The following CLEC12A variants were observed in gnomAD, a reference collection of about 807,000 sequenced individuals.
CLEC12A encodes C-type lectin protein CLL-1.
CLEC12A carries 22 observed loss-of-function variants against 26.5 expected under a neutral mutation model. The ratio of observed to expected loss-of-function variants is 0.83; its 90% CI spans 0.59 to 1.19. CLEC12A has a LOEUF of 1.19. Ranked by LOEUF, CLEC12A falls within the 50% of genes most tolerant of loss-of-function variation. The pLI is 0.00. For synonymous variants in CLEC12A, 119 were observed against 101.9 expected, an observed-to-expected ratio of 1.17 and a Z score of -1.01; for missense variants, 353 against 315.6, an observed-to-expected ratio of 1.12 and a Z score of -0.90.
upstream of CLEC12A, among the ~76,000 whole-genome samples, chr12:9,970,055 A>G (rs2137132790): frequency 6.6e-6 from 1 of 152,340 alleles, no homozygotes; most frequent in East Asian, 1.9e-4. Context: ...GTGGCTGCCA[A>G]TATTTTCATG....
At chr12:9,969,998 G>A (rs946107561), upstream of CLEC12A, among the ~76,000 whole-genome samples, 4 of 152,152 alleles carry the variant, frequency 2.6e-5, no homozygotes, top group African/African-American at 9.7e-5. Flanking sequence ...CATTAGTAAA[G>A]TACTTAGGAT....
chr12:10,003,626 G>A, the CLEC12A span, among the ~76,000 whole-genome samples: 5 of 152,090 alleles, frequency 3.3e-5, no homozygotes, highest in African/African-American at 1.2e-4. Flanking sequence ...AAAAAGCAAT[G>A]CCAGGCGTCA....
At chr12:9,988,463 C>T (rs1338980328), downstream of CLEC12A, among the ~76,000 whole-genome samples, 1 of 152,182 alleles carries the variant, frequency 6.6e-6, no homozygotes, top group African/African-American at 2.4e-5. Flanking sequence ...GCAATCTACT[C>T]ATCTGACAAA....
the CLEC12A span, among the ~76,000 whole-genome samples, chr12:10,003,334 C>T: frequency 4.0e-5 from 6 of 151,862 alleles, no homozygotes; most frequent in Non-Finnish European, 5.9e-5. Context: ...AATAACTATC[C>T]GACCAAAATT....
At chr12:9,962,598 C>T (rs865875964) in intron 1 of CLEC12A, among the ~76,000 whole-genome samples, 8 of 152,136 alleles carry the variant, frequency 5.3e-5, no homozygotes, top group South Asian at 4.2e-4. Flanking sequence ...TGGGAAATTA[C>T]AGTCAAAGGG....
chr12:9,966,989 C>A (rs1326682345), upstream of CLEC12A, among the ~76,000 whole-genome samples: 2 of 151,086 alleles, frequency 1.3e-5, no homozygotes, highest in Non-Finnish European at 2.9e-5. Flanking sequence ...GCTCCAGCCA[C>A]CTTTTTAAGA....
intron 4 of CLEC12A, chr12:9,991,068 A>G (rs1323676930): frequency 6.6e-6 from 1 of 152,210 alleles, no homozygotes; most frequent in Non-Finnish European, 1.5e-5. Flanking sequence ...TGGGAAAGCA[A>G]ATAATTAATG....
Position 9,980,615 on chromosome 12 carries a change from T to C in CLEC12A, c.413T>C (p.Ile138Thr), listed in dbSNP as rs1204947578. Residue 138 changes from isoleucine to threonine, a missense_variant, in exon 4 of 6, where the codon ATT becomes ACT. Transcript: ENST00000304361. ...HKCKPCPRRW[I>T]WHKDSCYFLS... is the part of the protein sequence containing the mutation. ...TGTAAGCCTTGTCCAAGGAGATGGA[T>C]TTGGCATAAGGACAGCTGTTATTTC... The C allele has an allele frequency of 6.2e-6, 10 of 1,613,706 alleles. No homozygotes were observed. Among genetic ancestry groups the C allele is most frequent in the Non-Finnish European group, 7.6e-6 (9 of 1,179,814 alleles).
At chr12:9,954,733 T>C (rs371141438) in intron 1 of CLEC12A, among the ~76,000 whole-genome samples, 36 of 152,342 alleles carry the variant, frequency 2.4e-4, no homozygotes, top group African/African-American at 8.2e-4. Flanking sequence ...GCAAATTGGC[T>C]TATAAATTAA....
intron 1 of CLEC12A, among the ~76,000 whole-genome samples, chr12:9,960,340 T>A (rs1863809096): frequency 6.6e-6 from 1 of 152,192 alleles, no homozygotes; most frequent in African/African-American, 2.4e-5. Flanking sequence ...ATATAATGAA[T>A]CAGGAATACT....
At chr12:9,990,343 G>A (rs76024376), downstream of CLEC12A, among the ~76,000 whole-genome samples, 3,493 of 152,262 alleles carry the variant, frequency 0.023, 56 homozygotes, top group Non-Finnish European at 0.036. Flanking sequence ...TGTGATTCAT[G>A]GAAGGAAGAC....
intron 3 of CLEC12A, among the ~76,000 whole-genome samples, chr12:9,980,168 A>G (rs1397603197): frequency 6.6e-6 from 1 of 152,176 alleles, no homozygotes; most frequent in African/African-American, 2.4e-5. Flanking sequence ...AGAGGAATTG[A>G]CATAGGAAGA....
chr12:9,970,541 C>G (rs922889802), upstream of CLEC12A, among the ~76,000 whole-genome samples: 1 of 151,988 alleles, frequency 6.6e-6, no homozygotes, highest in Non-Finnish European at 1.5e-5. Context: ...TCCTCTCCAC[C>G]CCCTCACTTC....
intron 1 of CLEC12A, among the ~76,000 whole-genome samples, chr12:9,965,525 G>A (rs1164228447): frequency 4.0e-5 from 6 of 151,122 alleles, no homozygotes; most frequent in African/African-American, 1.5e-4. Context: ...TGGGATGACG[G>A]GTGCAAAGGA....
chr12:9,998,212 T>A, downstream of CLEC12A: 1 of 1,142,670 alleles, frequency 8.8e-7, no homozygotes, highest in Non-Finnish European at 1.3e-6. Context: ...TTGAGAAGCT[T>A]AGTGGGATAT....
At chr12:9,991,395 T>C (rs1381530861) in intron 4 of CLEC12A, 1 of 152,222 alleles carries the variant, frequency 6.6e-6, no homozygotes, top group Non-Finnish European at 1.5e-5. Context: ...TCTAAGTTTA[T>C]GTGTGCTATA....
the CLEC12A span, among the ~76,000 whole-genome samples, chr12:10,002,438 A>ATT: frequency 7.8e-6 from 1 of 127,508 alleles, no homozygotes; most frequent in Non-Finnish European, 1.7e-5. Context: ...AAGTTGGGTA[A>ATT]TGTTTTTTTT....
chr12:9,998,810 A>T (rs1363187766), downstream of CLEC12A, among the ~76,000 whole-genome samples: 3 of 152,184 alleles, frequency 2.0e-5, no homozygotes, highest in Admixed American at 1.3e-4. Flanking sequence ...CTCGAGTATT[A>T]AACGCTCAGA....
chr12:9,984,715 C>T (rs997010816), intron 5 of CLEC12A, among the ~76,000 whole-genome samples, 155 bp from the exon 6 acceptor site: 2 of 152,154 alleles, frequency 1.3e-5, no homozygotes, highest in Non-Finnish European at 1.5e-5. Context: ...ACAATTAACT[C>T]GGACATTCTT....
Sources: allele counts gnomAD v4.1 joint callset (sites outside exome capture counted in the v4.1 genomes callset), GRCh38; gene constraint gnomAD v4.1.1; transcripts MANE v1.5; gene names NCBI Gene and HGNC (gene_info 2026-07-23, HGNC 2026-07-21).